Variants in KCND2 observed in about 807,000 individuals in gnomAD.
The protein encoded by KCND2 is potassium voltage-gated channel subfamily D member 2, also known as A-type voltage-gated potassium channel KCND2.
KCND2 carries 16 observed loss-of-function variants against 54.4 expected under a neutral mutation model. The observed-to-expected ratio is 0.29, with a 90% CI of 0.20 to 0.45. The LOEUF (loss-of-function observed/expected upper bound fraction) is 0.45, where lower values mean the gene tolerates loss of function less well. KCND2 is among the 20% of genes least tolerant of loss of function. KCND2 has a pLI of 1.00. For missense variants in KCND2, 486 were observed against 824.2 expected (o/e 0.59, Z 5.02); for synonymous variants, 317 against 310.7 (o/e 1.02, Z -0.21).
chr7:120,299,456 A>G (rs1799556977), intron 1 of KCND2, among the ~76,000 whole-genome samples: 1 of 152,132 alleles, frequency 6.6e-6, no homozygotes, highest in African/African-American at 2.4e-5. Context: ...TGTTCTTTTA[A>G]TAATAGTCGC....
chr7:120,685,094 G>A (rs903434692), intron 1 of KCND2, among the ~76,000 whole-genome samples: 1 of 152,130 alleles, frequency 6.6e-6, no homozygotes, highest in African/African-American at 2.4e-5. Flanking sequence ...TGGAAAAATT[G>A]TCTTCCACGA....
At chr7:120,578,369 C>T (rs1486354420) in intron 1 of KCND2, among the ~76,000 whole-genome samples, 1 of 152,118 alleles carries the variant, frequency 6.6e-6, no homozygotes, top group Non-Finnish European at 1.5e-5. Flanking sequence ...GAAACCCCAA[C>T]TTAAAATTTA....
intron 1 of KCND2, among the ~76,000 whole-genome samples, chr7:120,665,811 A>C (rs180822052): frequency 6.6e-6 from 1 of 152,234 alleles, no homozygotes; most frequent in East Asian, 1.9e-4. Context: ...TATTACAAGC[A>C]CAATTATTCA....
At chr7:120,602,396 CA>C (rs956780725) in intron 1 of KCND2, among the ~76,000 whole-genome samples, 2 of 152,076 alleles carry the variant, frequency 1.3e-5, no homozygotes, top group African/African-American at 4.8e-5. Flanking sequence ...TCCAGTCACA[CA>C]GGCTTCCTGC....
intron 1 of KCND2, among the ~76,000 whole-genome samples, chr7:120,554,212 A>G (rs1792134824): frequency 1.3e-5 from 2 of 152,110 alleles, no homozygotes; most frequent in East Asian, 1.9e-4. Context: ...ACTCAATCAT[A>G]TCTTTTAGTG....
At chr7:120,548,023 A>G (rs1452174013) in intron 1 of KCND2, among the ~76,000 whole-genome samples, 1 of 152,098 alleles carries the variant, frequency 6.6e-6, no homozygotes, top group Admixed American at 6.6e-5. Flanking sequence ...GCACATTTCT[A>G]TGATGAAGCA....
chr7:120,486,776 T>C (rs1271978012), intron 1 of KCND2, among the ~76,000 whole-genome samples: 1 of 151,410 alleles, frequency 6.6e-6, no homozygotes, highest in Non-Finnish European at 1.5e-5. Flanking sequence ...ATTTGTAAAA[T>C]ACTACTACCT....
chr7:120,478,271 T>C (rs1293679204), intron 1 of KCND2, among the ~76,000 whole-genome samples: 1 of 152,172 alleles, frequency 6.6e-6, no homozygotes, highest in Non-Finnish European at 1.5e-5. Context: ...GATATGGTAA[T>C]GTCATATGGT....
chr7:120,543,309 C>T (rs1792004495), intron 1 of KCND2, among the ~76,000 whole-genome samples: 1 of 151,806 alleles, frequency 6.6e-6, no homozygotes, highest in African/African-American at 2.4e-5. Context: ...CATTTTTCCC[C>T]AGCAGAGCAT....
intron 2 of KCND2, 134 bp downstream of exon 2, chr7:120,733,199 T>G: frequency 1.2e-6 from 1 of 815,656 alleles, no homozygotes; most frequent in South Asian, 1.5e-5. Context: ...TAGGTTATTC[T>G]ACACTAAAAA....
rs562101780 is a variant in KCND2, at chr7:120,312,516, C to T, written c.1115+36769C>T. Among the ~76,000 whole-genome samples the T allele has an allele frequency of 3.9e-5, 6 of 152,076 alleles. No individual in the cohort carries two copies. In the East Asian group the frequency reaches 7.7e-4, roughly 20 times the overall value. On this transcript the variant is annotated intron_variant, in intron 1 of 5. Transcript: ENST00000331113. The stretch of plus-strand genomic sequence containing the variant: ...GTATTTACTGAGTTCATGCAGCTAG[C>T]GAGTGATTTGTAGAAGATATCTGGA...
intron 1 of KCND2, among the ~76,000 whole-genome samples, chr7:120,488,689 T>G (rs1250391352): frequency 6.6e-6 from 1 of 152,132 alleles, no homozygotes; most frequent in Admixed American, 6.5e-5. Flanking sequence ...TGTGTCCCCC[T>G]TTATTATTCT....
intron 1 of KCND2, among the ~76,000 whole-genome samples, chr7:120,357,583 C>T (rs1028708194): frequency 1.3e-5 from 2 of 151,710 alleles, no homozygotes; most frequent in African/African-American, 4.8e-5. Context: ...TCATGCACTC[C>T]AGAGGATCAG....
chr7:120,687,490 T>G lies in KCND2; in HGVS notation c.1116-45413T>G, dbSNP rs181121977. On this transcript the variant is annotated intron_variant, in intron 1 of 5. Transcript: ENST00000331113. Reference sequence around the variant, plus strand: ...AAATGCATGTGCTGATTAGCTTGATTTAACCACTCTACAGTGCTCACATAT... The same window carrying G: ...AAATGCATGTGCTGATTAGCTTGATGTAACCACTCTACAGTGCTCACATAT... Among the ~76,000 whole-genome samples the G allele has an allele frequency of 3.4e-3, 520 of 152,254 alleles. 1 individual carries two copies. The highest frequency in any genetic ancestry group is 0.012 in the African/African-American group (495 of 41,554).
intron 1 of KCND2, among the ~76,000 whole-genome samples, chr7:120,516,619 T>C (rs184589346): frequency 6.6e-6 from 1 of 152,238 alleles, no homozygotes; most frequent in East Asian, 1.9e-4. Flanking sequence ...CAAAAGTCTG[T>C]GTATTTACTG....
In KCND2 at chr7:120,487,291, G is replaced by A. The variant is rs531541174; in HGVS notation, c.1115+211544G>A. Reference sequence around the variant, plus strand: ...TAGGACAAGCAACAATTTAGCTCTCGATATCAGAAACTGAGCTAAATAACC... The same window carrying A: ...TAGGACAAGCAACAATTTAGCTCTCAATATCAGAAACTGAGCTAAATAACC... On this transcript the variant is annotated intron_variant, in intron 1 of 5. Transcript: ENST00000331113. Among the ~76,000 whole-genome samples the A allele has an allele frequency of 3.3e-5, 5 of 151,958 alleles. No individual in the cohort carries two copies. The South Asian group carries it at 8.3e-4, about 25-fold the overall frequency.
chr7:120,535,717 G>A (rs1791898157), intron 1 of KCND2, among the ~76,000 whole-genome samples: 1 of 152,118 alleles, frequency 6.6e-6, no homozygotes. Context: ...GCAATACGTT[G>A]ATATTTTGAC....
intron 1 of KCND2, among the ~76,000 whole-genome samples, chr7:120,325,911 A>G (rs1799967431): frequency 6.6e-6 from 1 of 152,066 alleles, no homozygotes; most frequent in Admixed American, 6.6e-5. Context: ...CATCAAAGGG[A>G]AAGCAGGAGA....
chr7:120,314,583 C>T (rs1799785867), intron 1 of KCND2, among the ~76,000 whole-genome samples: 1 of 152,058 alleles, frequency 6.6e-6, no homozygotes, highest in African/African-American at 2.4e-5. Context: ...CACAGATAAA[C>T]AGACTTTAGA....
Sources: allele counts gnomAD v4.1 joint callset (sites outside exome capture counted in the v4.1 genomes callset), GRCh38; gene constraint gnomAD v4.1.1; transcripts MANE v1.5; gene names NCBI Gene and HGNC (gene_info 2026-07-23, HGNC 2026-07-21).